NMNAT2: variants seen among roughly 807,000 people sequenced by gnomAD.
NMNAT2 encodes nicotinamide/nicotinic acid mononucleotide adenylyltransferase 2.
NMNAT2 carries 11 observed loss-of-function variants against 41.6 expected under a neutral mutation model. The ratio of observed to expected loss-of-function variants is 0.26; its 90% CI spans 0.17 to 0.44. NMNAT2 has a LOEUF of 0.44. Ranked by LOEUF, NMNAT2 falls within the 20% of genes least tolerant of loss-of-function variation. NMNAT2 has a pLI of 1.00. For missense variants in NMNAT2, 288 were observed against 407.7 expected (o/e 0.71, Z 2.53); for synonymous variants, 148 against 151.2 (o/e 0.98, Z 0.16).
chr1:183,314,659 T>A (rs113752900), intron 1 of NMNAT2, among the ~76,000 whole-genome samples: 3 of 152,366 alleles, frequency 2.0e-5, no homozygotes, highest in African/African-American at 7.2e-5. Flanking sequence ...CAAGCACTCA[T>A]GGTGTGCACA....
chr1:183,333,172 C>G (rs192671701), intron 1 of NMNAT2, among the ~76,000 whole-genome samples: 1 of 152,172 alleles, frequency 6.6e-6, no homozygotes, highest in African/African-American at 2.4e-5. Context: ...CCAGGGGATA[C>G]CTGGAGCTGG....
chr1:183,405,537 A>G (rs1175753180), intron 1 of NMNAT2, among the ~76,000 whole-genome samples: 1 of 152,224 alleles, frequency 6.6e-6, no homozygotes, highest in African/African-American at 2.4e-5. Context: ...ATTGCAGGGA[A>G]CAAGGTCATT....
chr1:183,268,309 A>T (rs1187769077), intron 8 of NMNAT2, among the ~76,000 whole-genome samples: 1 of 152,162 alleles, frequency 6.6e-6, no homozygotes, highest in Non-Finnish European at 1.5e-5. Context: ...GAGTGGGTGG[A>T]TGACTTGTGG....
intron 1 of NMNAT2, among the ~76,000 whole-genome samples, chr1:183,324,317 C>A (rs1662414614): frequency 1.3e-5 from 2 of 152,194 alleles, no homozygotes; most frequent in South Asian, 4.1e-4. Flanking sequence ...ACCGTGAGAA[C>A]TGACGATGCT....
At chr1:183,307,307 CTTT>C (rs35308886) in intron 1 of NMNAT2, among the ~76,000 whole-genome samples, 7 of 138,306 alleles carry the variant, frequency 5.1e-5, no homozygotes, top group Non-Finnish European at 4.7e-5. Context: ...ACAAAGGGTT[CTTT>C]TTTTTTTTTT....
intron 1 of NMNAT2, among the ~76,000 whole-genome samples, chr1:183,348,198 C>T (rs1662972771): frequency 6.6e-6 from 1 of 152,166 alleles, no homozygotes; most frequent in Non-Finnish European, 1.5e-5. Context: ...GTCAACCCAG[C>T]AAAGGCATCT....
At chr1:183,356,619 AGGGACAAGATCAGCTG>A (rs1046883112) in intron 1 of NMNAT2, among the ~76,000 whole-genome samples, 2 of 152,258 alleles carry the variant, frequency 1.3e-5, no homozygotes, top group African/African-American at 4.8e-5. Flanking sequence ...ACGTCATGCC[AGGGACAAGATCAGCTG>A]GGTAAACTAT....
At position 183,406,245 on chromosome 1, in the gene NMNAT2, C is replaced by T. The variant is rs150713015; in HGVS notation, c.85+11938G>A. ...TGTTTAAAGGGGATAAGGCAGGATGCTATGAAGACTGGGAATGTAATGACA... is the reference window on the plus strand; with the variant it reads ...TGTTTAAAGGGGATAAGGCAGGATGTTATGAAGACTGGGAATGTAATGACA... On this transcript the variant is annotated intron_variant, in intron 1 of 10. Coordinates refer to ENST00000287713, the MANE Select transcript of NMNAT2 (RefSeq NM_015039.4). Among the ~76,000 whole-genome samples, 181 of 152,230 alleles carry T rather than the reference C, an allele frequency of 1.2e-3. 1 individual carries two copies. Among genetic ancestry groups the T allele is most frequent in the African/African-American group, 3.8e-3 (157 of 41,528 alleles).
intron 8 of NMNAT2, 58 bp from the exon 9 acceptor site, chr1:183,261,361 C>A: frequency 7.2e-7 from 1 of 1,395,064 alleles, no homozygotes; most frequent in Admixed American, 1.8e-5. Flanking sequence ...TCCTACCAAG[C>A]AACTACTTAG....
chr1:183,318,236 C>A (rs894263702), intron 1 of NMNAT2, among the ~76,000 whole-genome samples: 17 of 152,214 alleles, frequency 1.1e-4, no homozygotes, highest in Admixed American at 4.6e-4. Flanking sequence ...GCCCTGGATC[C>A]TAAGACCTCC....
intron 8 of NMNAT2, among the ~76,000 whole-genome samples, chr1:183,274,705 G>A (rs1347437201): frequency 2.0e-5 from 3 of 151,082 alleles, no homozygotes; most frequent in African/African-American, 7.3e-5. Context: ...GCGGAGGTGG[G>A]AGGATCATTT....
At chr1:183,337,387 A>G (rs896735450) in intron 1 of NMNAT2, among the ~76,000 whole-genome samples, 4 of 152,118 alleles carry the variant, frequency 2.6e-5, no homozygotes, top group Non-Finnish European at 4.4e-5. Flanking sequence ...CAACAAATTT[A>G]TCTCTTTAAA....
intron 1 of NMNAT2, among the ~76,000 whole-genome samples, chr1:183,306,886 G>A (rs1662005898): frequency 6.6e-6 from 1 of 152,086 alleles, no homozygotes; most frequent in African/African-American, 2.4e-5. Context: ...TCCCTAGGCT[G>A]GAGGTAATAA....
intron 1 of NMNAT2, among the ~76,000 whole-genome samples, chr1:183,411,245 C>T (rs1337083507): frequency 6.6e-6 from 1 of 152,148 alleles, no homozygotes; most frequent in Non-Finnish European, 1.5e-5. Flanking sequence ...CTTCCTGACT[C>T]TATCATTCCT....
intron 10 of NMNAT2, among the ~76,000 whole-genome samples, chr1:183,259,166 A>AC (rs965849143): frequency 1.3e-5 from 2 of 151,602 alleles, no homozygotes; most frequent in African/African-American, 2.4e-5. Flanking sequence ...TCCTAAGCCC[A>AC]CCCCCCATAT....
At chr1:183,369,074 A>G (rs1267849371) in intron 1 of NMNAT2, among the ~76,000 whole-genome samples, 1 of 152,106 alleles carries the variant, frequency 6.6e-6, no homozygotes, top group Non-Finnish European at 1.5e-5. Flanking sequence ...GCAGGTGTGC[A>G]CTACGCAGCT....
chr1:183,352,140 C>T (rs1663071958), intron 1 of NMNAT2, among the ~76,000 whole-genome samples: 1 of 152,130 alleles, frequency 6.6e-6, no homozygotes, highest in Non-Finnish European at 1.5e-5. Flanking sequence ...AGGGAGAGCT[C>T]ATCAGGGGTT....
intron 10 of NMNAT2, among the ~76,000 whole-genome samples, chr1:183,258,278 A>G (rs1660569664): frequency 6.6e-6 from 1 of 152,216 alleles, no homozygotes; most frequent in Non-Finnish European, 1.5e-5. Flanking sequence ...ATACGCCTCC[A>G]CATACGTAGA....
Position 183,360,441 on chromosome 1 carries a change from G to A in NMNAT2, c.85+57742C>T, listed in dbSNP as rs778369006. On this transcript the variant is annotated intron_variant, in intron 1 of 10. Transcript: ENST00000287713. ...TCTTCCTCCTTCTATTTAGCCCCAG[G>A]TCCCAACAATAATTGAAATTTTCAG... Among the ~76,000 whole-genome samples the A allele has an allele frequency of 3.3e-4, 50 of 151,320 alleles. 1 individual carries two copies. Among genetic ancestry groups the A allele is most frequent in the Middle Eastern group, 3.4e-3 (1 of 294 alleles).
Sources: allele counts gnomAD v4.1 joint callset (sites outside exome capture counted in the v4.1 genomes callset), GRCh38; gene constraint gnomAD v4.1.1; transcripts MANE v1.5; gene names NCBI Gene and HGNC (gene_info 2026-07-23, HGNC 2026-07-21).